The following SF3B3 variants were observed in gnomAD, a reference collection of about 807,000 sequenced individuals.
SF3B3 encodes SAP 130.
In SF3B3, 33 loss-of-function variants were observed where a neutral mutation model predicts 139.2. That is an observed-to-expected ratio of 0.24 (90% CI 0.18 to 0.32). The LOEUF (loss-of-function observed/expected upper bound fraction) is 0.32, where lower values mean the gene tolerates loss of function less well. SF3B3 is among the 10% of genes least tolerant of loss of function. SF3B3 has a pLI of 1.00. For synonymous variants in SF3B3, 596 were observed against 563.6 expected, an observed-to-expected ratio of 1.06 and a Z score of -0.81; for missense variants, 818 against 1,509.4, an observed-to-expected ratio of 0.54 and a Z score of 7.59.
intron 7 of SF3B3, 57 bp from the exon 8 acceptor site, chr16:70,539,047 A>G (rs1299357494): frequency 1.6e-6 from 2 of 1,237,830 alleles, no homozygotes; most frequent in African/African-American, 1.5e-5. Flanking sequence ...GTGCTGTCTT[A>G]TAATACGGGG....
At chr16:70,529,330 A>G in intron 3 of SF3B3, 131 bp downstream of exon 3, 1 of 710,650 alleles carries the variant, frequency 1.4e-6, no homozygotes, top group Non-Finnish European at 2.3e-6. Flanking sequence ...CTAGGTTTAA[A>G]GTTGCATTTC....
At chr16:70,568,940 G>A (rs2050502624) in intron 22 of SF3B3, 103 bp from the exon 23 acceptor site, 1 of 728,928 alleles carries the variant, frequency 1.4e-6, no homozygotes, top group African/African-American at 1.8e-5. Context: ...TCTAGGCAGT[G>A]CCCCTGTGGC....
In SF3B3 at chr16:70,528,899, T is replaced by G. The variant is rs2050093336; in HGVS notation, c.97T>G (p.Ser33Ala). ...SGTKQQEIVVSRGKILELLRP... is the reference protein window; with the variant it reads ...SGTKQQEIVVARGKILELLRP... ...AACCAAACAACAAGAAATTGTTGTT[T>G]CCCGTGGGAAGATCTTGGAGCTGCT... Residue 33 changes from serine (S) to alanine (A), a missense_variant, in exon 3 of 26, where the codon TCC (serine) becomes GCC (alanine). This residue lies in a region of SF3B3 where 144 missense variants were observed against 259.2 expected (regional missense o/e 0.56). Transcript: ENST00000302516. 6.2e-7 allele frequency: 1 copy of G among 1,610,038 alleles called. No homozygotes were observed. The highest frequency in any genetic ancestry group is 2.2e-5 in the East Asian group (1 of 44,790).
chr16:70,548,555 C>A, intron 11 of SF3B3, 113 bp downstream of exon 11: 1 of 904,850 alleles, frequency 1.1e-6, no homozygotes, highest in Non-Finnish European at 1.8e-6. Context: ...CACCATATAC[C>A]AGAAACTTTC....
chr16:70,536,451 C>T, intron 6 of SF3B3, among the ~76,000 whole-genome samples: 1 of 152,116 alleles, frequency 6.6e-6, no homozygotes, highest in Non-Finnish European at 1.5e-5. Flanking sequence ...GCAAGCTCCG[C>T]CTCCCGGGTT....
In SF3B3 at chr16:70,572,871, TGTTTA is replaced by T. The variant is rs1490332649; in HGVS notation, c.*1062_*1066del. The T allele has an allele frequency of 6.6e-6, 1 of 152,266 alleles. No individual in the cohort carries two copies. The highest frequency in any genetic ancestry group is 1.5e-5 in the Non-Finnish European group (1 of 68,086). The allele number at this position is 152,266 out of a possible 1,614,324, so 9.4% of individuals were successfully genotyped here. ...CCAGCCCACCCCTGAGAATTCCTCC[TGTTTA>T]GTTGTGTGGGAAGCCCTCGTCTTCC... On this transcript the variant is annotated 3_prime_UTR_variant, in exon 26 of 26. Transcript: ENST00000302516.
At chr16:70,560,366 C>G in intron 15 of SF3B3, 103 bp from the exon 16 acceptor site, 1 of 1,213,782 alleles carries the variant, frequency 8.2e-7, no homozygotes, top group South Asian at 1.7e-5. Context: ...TCATTTCTTT[C>G]TATCTGCTCT....
intron 11 of SF3B3, 34 bp downstream of exon 11, chr16:70,548,476 A>G: frequency 6.3e-7 from 1 of 1,575,352 alleles, no homozygotes; most frequent in Non-Finnish European, 8.7e-7. Context: ...CAAAATGAGG[A>G]TCTAGGTGCC....
chr16:70,535,750 G>GTTT (rs566256558), intron 6 of SF3B3, among the ~76,000 whole-genome samples: 16 of 142,070 alleles, frequency 1.1e-4, no homozygotes, highest in African/African-American at 4.1e-4. Flanking sequence ...ATTCTATTTG[G>GTTT]TTTTTTTTTT....
At chr16:70,551,501 G>A (rs951396819) in intron 11 of SF3B3, among the ~76,000 whole-genome samples, 1 of 152,090 alleles carries the variant, frequency 6.6e-6, no homozygotes, top group Non-Finnish European at 1.5e-5. Context: ...TTGGGAATTT[G>A]AGACCAGCCT....
At chr16:70,564,479 C>A (rs2151793282) in intron 18 of SF3B3, among the ~76,000 whole-genome samples, 1 of 152,194 alleles carries the variant, frequency 6.6e-6, no homozygotes, top group East Asian at 1.9e-4. Context: ...CATTTTAGAG[C>A]CTTTCTTGTA....
intron 2 of SF3B3, 36 bp from the exon 3 acceptor site, chr16:70,528,837 C>G: frequency 1.3e-6 from 2 of 1,519,068 alleles, no homozygotes; most frequent in Non-Finnish European, 1.8e-6. Context: ...AGGCTGGGTT[C>G]TGGTTGTTTA....
intron 11 of SF3B3, chr16:70,550,073 T>G (rs906726499): frequency 6.6e-6 from 1 of 152,168 alleles, no homozygotes; most frequent in African/African-American, 2.4e-5. Flanking sequence ...CTCAGTTGAA[T>G]GCCCATTTTG....
intron 22 of SF3B3, 131 bp downstream of exon 22, chr16:70,568,626 A>G (rs1240694769): frequency 1.4e-6 from 1 of 700,400 alleles, no homozygotes; most frequent in East Asian, 2.7e-5. Context: ...TACTAAAGCT[A>G]ACTCTACAAG....
intron 22 of SF3B3, 131 bp from the exon 23 acceptor site, chr16:70,568,912 C>G (rs913585790): frequency 1.1e-5 from 7 of 614,878 alleles, no homozygotes; most frequent in Non-Finnish European, 1.7e-5. Context: ...GTGCAGGACA[C>G]GTGGGCTCAG....
intron 16 of SF3B3, 27 bp from the exon 17 acceptor site, chr16:70,561,603 G>A: frequency 6.2e-7 from 1 of 1,605,522 alleles, no homozygotes; most frequent in Admixed American, 1.7e-5. Context: ...AAACCTTATT[G>A]GAGCTGGGTT....
At chr16:70,564,214 T>A (rs2050454859) in intron 18 of SF3B3, among the ~76,000 whole-genome samples, 164 bp downstream of exon 18, 1 of 152,100 alleles carries the variant, frequency 6.6e-6, no homozygotes, top group African/African-American at 2.4e-5. Flanking sequence ...CTATTAAAAA[T>A]TTTAAAAGAT....
chr16:70,535,557 T>C (rs1289077331), intron 6 of SF3B3, 137 bp downstream of exon 6: 1 of 436,812 alleles, frequency 2.3e-6, no homozygotes, highest in Admixed American at 4.2e-5. Context: ...GGGACGTAAA[T>C]GTTGTTTTTA....
At chr16:70,567,873 G>A (rs1436720824) in intron 21 of SF3B3, among the ~76,000 whole-genome samples, 1 of 152,156 alleles carries the variant, frequency 6.6e-6, no homozygotes, top group Non-Finnish European at 1.5e-5. Flanking sequence ...CTTTAGTAGA[G>A]ACAGGGTTTT....
Sources: allele counts gnomAD v4.1 joint callset (sites outside exome capture counted in the v4.1 genomes callset), GRCh38; gene constraint gnomAD v4.1.1; regional missense constraint gnomAD v4.1.1; transcripts MANE v1.5; gene names NCBI Gene and HGNC (gene_info 2026-07-23, HGNC 2026-07-21).